The following EPB41L4A variants were observed in gnomAD, a reference collection of about 807,000 sequenced individuals.
EPB41L4A encodes erythrocyte membrane protein band 4.1 like 4A, also known as band 4.1-like protein 4A.
A neutral mutation model predicts 108.6 loss-of-function variants in EPB41L4A; 100 were observed. That is an observed-to-expected ratio of 0.92 (90% CI 0.78 to 1.09). The LOEUF (loss-of-function observed/expected upper bound fraction) is 1.09, where lower values mean the gene tolerates loss of function less well. EPB41L4A is among the 50% of genes least tolerant of loss of function. The probability of loss-of-function intolerance (pLI) is 0.00; values close to 1 mark genes in which losing one functional copy is unlikely to be tolerated. For synonymous variants in EPB41L4A, 319 were observed against 289.0 expected (o/e 1.10, Z -1.05); for missense variants, 1,030 against 842.7 (o/e 1.22, Z -2.75).
intron 1 of EPB41L4A, among the ~76,000 whole-genome samples, chr5:112,367,656 C>T (rs1185623102): frequency 2.0e-5 from 3 of 152,204 alleles, no homozygotes; most frequent in African/African-American, 7.2e-5. Flanking sequence ...GCAAGTGCGT[C>T]ACAAATTCAC....
chr5:112,210,032 G>C (rs758240601), intron 12 of EPB41L4A, 50 bp from the exon 13 acceptor site: 1 of 1,104,482 alleles, frequency 9.1e-7, no homozygotes, highest in Non-Finnish European at 1.3e-6. Context: ...ACAGTGATAA[G>C]GAAATGAAAG....
chr5:112,179,622 C>G (rs578144201), intron 18 of EPB41L4A, among the ~76,000 whole-genome samples: 63 of 152,224 alleles, frequency 4.1e-4, no homozygotes, highest in Middle Eastern at 6.8e-3. Context: ...ACTCAAGACC[C>G]ATTCATGATC....
At chr5:112,403,660 G>T (rs920789909) in intron 1 of EPB41L4A, among the ~76,000 whole-genome samples, 1 of 152,088 alleles carries the variant, frequency 6.6e-6, no homozygotes, top group Non-Finnish European at 1.5e-5. Context: ...AGAGACGGGG[G>T]TCTCACCGTG....
chr5:112,237,195 C>G (rs1231396478), intron 11 of EPB41L4A, among the ~76,000 whole-genome samples: 1 of 152,148 alleles, frequency 6.6e-6, no homozygotes, highest in Non-Finnish European at 1.5e-5. Flanking sequence ...TCAAAGATTT[C>G]TATTTCAGAT....
At chr5:112,413,701 G>T (rs1010097089) in intron 1 of EPB41L4A, among the ~76,000 whole-genome samples, 6 of 152,182 alleles carry the variant, frequency 3.9e-5, no homozygotes, top group African/African-American at 1.4e-4. Context: ...CTTGATTCAA[G>T]GATGCTTCCG....
chr5:112,142,194 T>TA (rs531139853), downstream of EPB41L4A, among the ~76,000 whole-genome samples: 199 of 152,332 alleles, frequency 1.3e-3, no homozygotes, highest in African/African-American at 4.6e-3. Flanking sequence ...AATAGCCACT[T>TA]ACCACTACTC....
chr5:112,189,048 T>A (rs1686192050), intron 17 of EPB41L4A, among the ~76,000 whole-genome samples: 1 of 152,230 alleles, frequency 6.6e-6, no homozygotes, highest in South Asian at 2.1e-4. Flanking sequence ...TCTGTCTTAA[T>A]CTACTATTTA....
chr5:112,387,211 C>T (rs769873715), intron 1 of EPB41L4A, among the ~76,000 whole-genome samples: 14 of 152,214 alleles, frequency 9.2e-5, no homozygotes, highest in Non-Finnish European at 1.8e-4. Flanking sequence ...GGCAGATGCA[C>T]GAACTCCTCA....
intron 2 of EPB41L4A, among the ~76,000 whole-genome samples, chr5:112,296,576 C>T (rs1030378841): frequency 2.0e-5 from 3 of 152,090 alleles, no homozygotes; most frequent in African/African-American, 7.2e-5. Context: ...TTAAAAGATG[C>T]GCTTCCAATA....
At chr5:112,353,217 C>T (rs190598065) in intron 1 of EPB41L4A, among the ~76,000 whole-genome samples, 1 of 151,546 alleles carries the variant, frequency 6.6e-6, no homozygotes, top group South Asian at 2.1e-4. Context: ...CAGCAGTGAA[C>T]CAAGCATGCC....
At chr5:112,405,919 C>A (rs555272524) in intron 1 of EPB41L4A, among the ~76,000 whole-genome samples, 2 of 152,280 alleles carry the variant, frequency 1.3e-5, no homozygotes, top group East Asian at 3.9e-4. Context: ...CACCAGAAAT[C>A]CTGGATGCTA....
chr5:112,329,010 A>C (rs1756375697), intron 1 of EPB41L4A, among the ~76,000 whole-genome samples: 2 of 152,206 alleles, frequency 1.3e-5, no homozygotes, highest in African/African-American at 4.8e-5. Flanking sequence ...TTTCAAAGCA[A>C]CTTGAACAGT....
intron 2 of EPB41L4A, among the ~76,000 whole-genome samples, chr5:112,304,787 T>C (rs1361478187): frequency 2.6e-5 from 4 of 152,212 alleles, no homozygotes; most frequent in Admixed American, 1.3e-4. Context: ...GATTTAGTCC[T>C]ATATCAATCC....
chr5:112,143,789 G>C (rs1759150386), exon 14 of EPB41L4A: 2 of 445,712 alleles, frequency 4.5e-6, no homozygotes, highest in East Asian at 7.1e-5. Flanking sequence ...GTTAATACCT[G>C]AACCAACCAC....
At chr5:112,261,733 T>C (rs4958029) in intron 7 of EPB41L4A, among the ~76,000 whole-genome samples, 37,304 of 152,072 alleles carry the variant, frequency 0.25, 4,745 homozygotes, top group African/African-American at 0.28. Flanking sequence ...GGTGGTAACC[T>C]TCATATTGAC....
At chr5:112,270,512 T>G (rs1752186647) in intron 4 of EPB41L4A, among the ~76,000 whole-genome samples, 1 of 152,076 alleles carries the variant, frequency 6.6e-6, no homozygotes, top group Non-Finnish European at 1.5e-5. Context: ...AGAAAAACAG[T>G]AGAGAAAATC....
chr5:112,417,774 T>G (rs7725764), intron 1 of EPB41L4A, among the ~76,000 whole-genome samples: 1 of 152,226 alleles, frequency 6.6e-6, no homozygotes, highest in Non-Finnish European at 1.5e-5. Flanking sequence ...AACAATCTTG[T>G]AGCTTTAACT....
chr5:112,189,854 T>C (rs1761607170), intron 17 of EPB41L4A, among the ~76,000 whole-genome samples: 1 of 152,216 alleles, frequency 6.6e-6, no homozygotes, highest in Non-Finnish European at 1.5e-5. Flanking sequence ...GGATATTTTG[T>C]AGAACCTTTT....
chr5:112,333,590 T>C (rs1580705084), intron 1 of EPB41L4A, among the ~76,000 whole-genome samples: 1 of 152,290 alleles, frequency 6.6e-6, no homozygotes, highest in South Asian at 2.1e-4. Flanking sequence ...GTCTTCTCAA[T>C]TGCCTGACTC....
Sources: allele counts gnomAD v4.1 joint callset (sites outside exome capture counted in the v4.1 genomes callset), GRCh38; gene constraint gnomAD v4.1.1; transcripts MANE v1.5; gene names NCBI Gene and HGNC (gene_info 2026-07-23, HGNC 2026-07-21).